Variants in POLR3E observed in about 807,000 individuals in gnomAD.
The protein encoded by POLR3E is RNA polymerase III subunit E.
A neutral mutation model predicts 96.6 loss-of-function variants in POLR3E; 41 were observed. The ratio of observed to expected loss-of-function variants is 0.42; its 90% confidence interval spans 0.33 to 0.55. The LOEUF is 0.55. POLR3E is among the 20% of genes least tolerant of loss of function. The pLI is 0.06. For synonymous variants in POLR3E, 396 were observed against 383.6 expected (o/e 1.03, Z -0.38); for missense variants, 849 against 952.1 (o/e 0.89, Z 1.43).
chr16:22,319,722 A>C (rs1440396087), intron 13 of POLR3E, among the ~76,000 whole-genome samples: 7 of 152,156 alleles, frequency 4.6e-5, no homozygotes, highest in African/African-American at 1.7e-4. Flanking sequence ...TTTTAAATTG[A>C]CACATAATGT....
At chr16:22,297,779 G>A (rs1327448492) in intron 1 of POLR3E, among the ~76,000 whole-genome samples, 1 of 152,264 alleles carries the variant, frequency 6.6e-6, no homozygotes, top group Non-Finnish European at 1.5e-5. Context: ...TGGCGGCGGT[G>A]ACTCAGGGTC....
At position 22,334,852 on chromosome 16, in the gene POLR3E, T is replaced by A. The variant is rs1298766067; in HGVS notation, c.*1152T>A. ...TGACATGTGAATTTTGGTATCTAGATAAGGCTTTCGCCATCTTTTTTGTAC... is the reference window on the plus strand; with the variant it reads ...TGACATGTGAATTTTGGTATCTAGAAAAGGCTTTCGCCATCTTTTTTGTAC... On this transcript the variant is annotated 3_prime_UTR_variant, in exon 21 of 21. Coordinates refer to ENST00000299853, the MANE Select transcript of POLR3E (RefSeq NM_018119.4). 6.6e-6 allele frequency: 1 copy of A among 152,218 alleles called. No homozygotes were observed. Among genetic ancestry groups the A allele is most frequent in the Non-Finnish European group, 1.5e-5 (1 of 68,042 alleles). The allele number at this position is 152,218 out of a possible 1,614,324, so 9.4% of individuals were successfully genotyped here. A position where few individuals can be genotyped will look rare whatever the true frequency, so the allele number is the denominator to read the frequency against.
rs1014829222 is a variant in POLR3E at position 22,314,225 on chromosome 16, G to A, written c.522+97G>A. On this transcript the variant is annotated intron_variant, in intron 8 of 20. Transcript: ENST00000299853. The stretch of plus-strand genomic sequence containing the variant: ...GTCTTCACAGAATGCAGGTGGAGCA[G>A]ACAGGGCCCATGCTTTTGAGCCTTC... The A allele has an allele frequency of 4.6e-5, 43 of 939,210 alleles. No homozygotes were observed. In the African/African-American group the frequency reaches 6.8e-4, roughly 15 times the overall value. The allele number at this position is 939,210 out of a possible 1,614,324, so 58.2% of individuals were successfully genotyped here.
At chr16:22,326,889 C>T (rs1005601224) in intron 18 of POLR3E, 3 of 157,326 alleles carry the variant, frequency 1.9e-5, no homozygotes, top group South Asian at 1.9e-4. Flanking sequence ...ACCAGCTCAG[C>T]GCTGTGCTCT....
chr16:22,333,281 C>T (rs2048782238), intron 20 of POLR3E, among the ~76,000 whole-genome samples: 1 of 151,164 alleles, frequency 6.6e-6, no homozygotes, highest in African/African-American at 2.4e-5. Flanking sequence ...GGAGAAACCC[C>T]ATCTCTACTA....
At chr16:22,332,967 CTTTT>C (rs1166614906) in intron 20 of POLR3E, among the ~76,000 whole-genome samples, 3 of 73,058 alleles carry the variant, frequency 4.1e-5, no homozygotes, top group Non-Finnish European at 7.2e-5. Context: ...CGTAGACCCC[CTTTT>C]TTTTTTTTTT....
intron 13 of POLR3E, among the ~76,000 whole-genome samples, 178 bp downstream of exon 13, chr16:22,319,124 G>A (rs768665839): frequency 2.0e-5 from 3 of 151,264 alleles, no homozygotes; most frequent in Non-Finnish European, 3.0e-5. Context: ...ATAGGTGCCC[G>A]CCACCATGCC....
chr16:22,305,061 C>A, intron 2 of POLR3E, 95 bp from the exon 3 acceptor site: 1 of 925,358 alleles, frequency 1.1e-6, no homozygotes, highest in Admixed American at 1.7e-5. Context: ...TTCCCTGAGC[C>A]ACTGCCCTTA....
chr16:22,306,779 G>A (rs959116848), intron 3 of POLR3E, among the ~76,000 whole-genome samples: 3 of 152,244 alleles, frequency 2.0e-5, no homozygotes, highest in African/African-American at 7.2e-5. Flanking sequence ...AGCTTTTTGA[G>A]GCACTGCTGG....
In POLR3E at chr16:22,308,233, T is replaced by C; in HGVS notation, c.165+8T>C. 6.2e-7 allele frequency: 1 copy of C among 1,610,834 alleles called. No homozygotes were observed. The highest frequency in any genetic ancestry group is 8.5e-7 in the Non-Finnish European group (1 of 1,177,146). ...AAGCCCAAGCAGCAGAAGGTGGGGC[T>C]GCCCCCTGAGGGCAGTTGGGGCCGA... On this transcript the variant is annotated splice_region_variant and intron_variant, in intron 4 of 20. Coordinates refer to ENST00000299853, the MANE Select transcript of POLR3E (RefSeq NM_018119.4).
intron 6 of POLR3E, among the ~76,000 whole-genome samples, chr16:22,312,034 T>C (rs571147363): frequency 1.3e-5 from 2 of 152,302 alleles, no homozygotes; most frequent in African/African-American, 2.4e-5. Context: ...TGTGTGGCTG[T>C]ATGTGAAATG....
chr16:22,321,644 C>G (rs987538298), intron 13 of POLR3E, among the ~76,000 whole-genome samples: 4 of 152,260 alleles, frequency 2.6e-5, no homozygotes, highest in African/African-American at 9.6e-5. Context: ...AGTCTTGCAG[C>G]AAGGCAGCCG....
intron 6 of POLR3E, 81 bp downstream of exon 6, chr16:22,309,591 T>TC: frequency 2.0e-6 from 2 of 997,214 alleles, no homozygotes; most frequent in Non-Finnish European, 3.2e-6. Flanking sequence ...CAGCCTGGTG[T>TC]CCATCTCCCA....
intron 4 of POLR3E, among the ~76,000 whole-genome samples, 190 bp from the exon 5 acceptor site, chr16:22,308,735 G>C (rs1263496261): frequency 6.6e-6 from 1 of 152,188 alleles, no homozygotes; most frequent in Non-Finnish European, 1.5e-5. Flanking sequence ...ACTTCCTTCT[G>C]ACATTTTTGT....
intron 2 of POLR3E, 27 bp downstream of exon 2, chr16:22,303,031 G>C (rs372095706): frequency 1.2e-6 from 2 of 1,608,952 alleles, no homozygotes; most frequent in South Asian, 2.2e-5. Flanking sequence ...GTCCCCTGCC[G>C]CCGGGGCTAC....
chr16:22,300,884 C>G (rs1371805136), intron 1 of POLR3E, among the ~76,000 whole-genome samples: 1 of 152,176 alleles, frequency 6.6e-6, no homozygotes, highest in Non-Finnish European at 1.5e-5. Flanking sequence ...CTGCTGTGTA[C>G]TAGGCACTTG....
rs1033706101 is a variant in POLR3E at position 22,334,396 on chromosome 16, A to G, written c.*696A>G. 1 of 152,318 alleles carries G rather than the reference A, an allele frequency of 6.6e-6. No homozygotes were observed. Among genetic ancestry groups the G allele is most frequent in the African/African-American group, 2.4e-5 (1 of 41,562 alleles). The allele number at this position is 152,318 out of a possible 1,614,324, so 9.4% of individuals were successfully genotyped here. On this transcript the variant is annotated 3_prime_UTR_variant, in exon 21 of 21. Coordinates refer to ENST00000299853, the MANE Select transcript of POLR3E (RefSeq NM_018119.4). ...TGAGGTTATCACACTTTGATGTAAAAATTTCTATTTTGTGTATTTTTAAAA... is the reference window on the plus strand; with the variant it reads ...TGAGGTTATCACACTTTGATGTAAAGATTTCTATTTTGTGTATTTTTAAAA...
intron 6 of POLR3E, among the ~76,000 whole-genome samples, chr16:22,312,550 G>A (rs952209371): frequency 6.6e-6 from 1 of 151,740 alleles, no homozygotes; most frequent in Non-Finnish European, 1.5e-5. Context: ...TGGTACGTGA[G>A]TCTTGTCCCA....
At position 22,312,873 on chromosome 16, in the gene POLR3E, C is replaced by CAAAAAAAA. The variant is rs1167609047; in HGVS notation, c.365-730_365-723dup. On this transcript the variant is annotated intron_variant, in intron 6 of 20. Transcript: ENST00000299853. ...TGGGTGACAGAGCGACACTCCATCTCAAAAAAAAAAAAAAAAAAAAAAAAC... is the reference window on the plus strand; with the variant it reads ...TGGGTGACAGAGCGACACTCCATCTCAAAAAAAAAAAAAAAAAAAAAAAAAAAAAAAAC... Among the ~76,000 whole-genome samples the CAAAAAAAA allele has an allele frequency of 1.8e-3, 55 of 30,396 alleles. 2 individuals are homozygous for CAAAAAAAA. The highest frequency in any genetic ancestry group is 5.9e-3 in the African/African-American group (52 of 8,788). The allele number at this position is 30,396 out of a possible 152,430, so 19.9% of individuals were successfully genotyped here.
Sources: gnomAD v4.1 joint callset for allele counts (sites outside exome capture counted in the v4.1 genomes callset) on GRCh38, gnomAD v4.1.1 for gene constraint, MANE v1.5 for transcripts, NCBI Gene and HGNC (gene_info 2026-07-23, HGNC 2026-07-21) for gene names.